COL21A1: variants seen among roughly 807,000 people sequenced by gnomAD.
The protein encoded by COL21A1 is collagen alpha-1(XXI) chain.
A neutral mutation model predicts 137.9 loss-of-function variants in COL21A1; 149 were observed. The observed-to-expected ratio is 1.08, with a 90% CI of 0.95 to 1.24. COL21A1 has a LOEUF of 1.24. COL21A1 is among the 50% of genes most tolerant of loss of function. COL21A1 has a pLI of 0.00. For missense variants in COL21A1, 1,167 were observed against 1,158.4 expected (o/e 1.01, Z -0.11); for synonymous variants, 456 against 391.5 (o/e 1.16, Z -1.95).
At position 56,337,073 on chromosome 6, in the gene COL21A1, A is replaced by C. The variant is rs58610811; in HGVS notation, c.-39+56898T>G. Among the ~76,000 whole-genome samples, 454 of 152,258 alleles carry C rather than the reference A, an allele frequency of 3.0e-3. 2 individuals carry two copies. Among genetic ancestry groups the C allele is most frequent in the African/African-American group, 0.011 (442 of 41,534 alleles). On this transcript the variant is annotated intron_variant, in intron 1 of 28. Coordinates refer to the COL21A1 transcript ENST00000370819. ...CTCACTCTTCCAAGATATTTGTCTC[A>C]TATCTATTTCTTTTTCAAATGTGCT...
At chr6:56,317,407 C>T (rs1384231539) in intron 1 of COL21A1, among the ~76,000 whole-genome samples, 1 of 152,170 alleles carries the variant, frequency 6.6e-6, no homozygotes, top group Non-Finnish European at 1.5e-5. Flanking sequence ...CACAATGCCT[C>T]TTATATTGCA....
intron 1 of COL21A1, among the ~76,000 whole-genome samples, chr6:56,260,287 G>C (rs923706952): frequency 2.6e-5 from 4 of 152,016 alleles, no homozygotes; most frequent in Admixed American, 1.3e-4. Flanking sequence ...TATTATTACA[G>C]AAAACATGGA....
intron 12 of COL21A1, among the ~76,000 whole-genome samples, chr6:56,131,896 A>G (rs1172098604): frequency 6.6e-6 from 1 of 152,084 alleles, no homozygotes; most frequent in Non-Finnish European, 1.5e-5. Context: ...GTTACCCTGT[A>G]TTTGCACTAT....
At chr6:56,088,430 T>A (rs960003254) in intron 17 of COL21A1, among the ~76,000 whole-genome samples, 2 of 152,186 alleles carry the variant, frequency 1.3e-5, no homozygotes, top group African/African-American at 4.8e-5. Context: ...CTTATAGCAA[T>A]CCTGCATTCA....
chr6:56,136,671 A>C (rs1278101179), intron 12 of COL21A1, among the ~76,000 whole-genome samples: 1 of 152,160 alleles, frequency 6.6e-6, no homozygotes, highest in Non-Finnish European at 1.5e-5. Context: ...CTATTTTTAA[A>C]ATTCATTTTA....
chr6:56,130,957 A>C (rs1220386278), intron 12 of COL21A1, among the ~76,000 whole-genome samples: 1 of 152,200 alleles, frequency 6.6e-6, no homozygotes. Flanking sequence ...CCTATCCAGG[A>C]TGGGCATGTA....
Position 56,059,172 on chromosome 6 carries a change from A to T in COL21A1, c.2679T>A (p.Gly893=), listed in dbSNP as rs1034445707. 2 of 1,611,526 alleles carry T rather than the reference A, an allele frequency of 1.2e-6. No homozygotes were observed. Among genetic ancestry groups the T allele is most frequent in the African/African-American group, 2.7e-5 (2 of 74,782 alleles). ...GCAGGTAGCAATTCTCACCTGGGGG[A>T]CCAGGAGGACCTTGTTCTCCAGGAT... is the stretch of plus-strand genomic sequence containing the variant. ...FGYPGEQGPP[G]PPGPEGPPGI... The change falls in exon 29 of 30, where the codon GGT becomes GGA. Residue 893 remains glycine (G), a synonymous_variant. Transcript: ENST00000244728.
At chr6:56,274,882 CA>C (rs1233764873) in intron 1 of COL21A1, among the ~76,000 whole-genome samples, 9 of 149,276 alleles carry the variant, frequency 6.0e-5, no homozygotes, top group African/African-American at 1.5e-4. Flanking sequence ...CATATGGAAC[CA>C]AAAAAAAAGC....
intron 1 of COL21A1, among the ~76,000 whole-genome samples, chr6:56,206,863 A>G (rs188321704): frequency 3.3e-5 from 5 of 151,878 alleles, no homozygotes; most frequent in Admixed American, 1.3e-4. Context: ...TGGAATCAAA[A>G]TGGAACTCAG....
At chr6:56,312,440 C>A (rs1268934676) in intron 1 of COL21A1, among the ~76,000 whole-genome samples, 1 of 152,084 alleles carries the variant, frequency 6.6e-6, no homozygotes, top group Non-Finnish European at 1.5e-5. Flanking sequence ...TGACTGGGAA[C>A]ATGTTGGTAT....
chr6:56,375,382 T>C (rs2093997182), intron 1 of COL21A1, among the ~76,000 whole-genome samples: 1 of 152,122 alleles, frequency 6.6e-6, no homozygotes, highest in South Asian at 2.1e-4. Flanking sequence ...GTTCAGCCAG[T>C]GGTAGGCACC....
At chr6:56,201,013 G>GT (rs1422442329) in intron 1 of COL21A1, among the ~76,000 whole-genome samples, 1 of 152,094 alleles carries the variant, frequency 6.6e-6, no homozygotes, top group Non-Finnish European at 1.5e-5. Flanking sequence ...GTGTGAGATG[G>GT]TATCTCATTG....
At chr6:56,073,786 A>G (rs1235421622) in intron 20 of COL21A1, among the ~76,000 whole-genome samples, 1 of 151,574 alleles carries the variant, frequency 6.6e-6, no homozygotes, top group African/African-American at 2.4e-5. Flanking sequence ...TAAAGATAAT[A>G]TGCTCTTACT....
At chr6:56,126,640 A>AT (rs1773070705) in intron 12 of COL21A1, 1 of 152,360 alleles carries the variant, frequency 6.6e-6, no homozygotes, top group Non-Finnish European at 1.5e-5. Flanking sequence ...GTCTATGAAC[A>AT]TGAAGGCCAT....
At chr6:56,309,688 C>G (rs1764563197) in intron 1 of COL21A1, among the ~76,000 whole-genome samples, 1 of 152,198 alleles carries the variant, frequency 6.6e-6, no homozygotes, top group Admixed American at 6.5e-5. Flanking sequence ...GTACTCGCAA[C>G]AGTTGAGTCA....
Position 56,074,212 on chromosome 6 carries a change from GTTTAT to G in COL21A1, c.1965+15_1965+19del, listed in dbSNP as rs763314767. On this transcript the variant is annotated intron_variant, in intron 20 of 29. Transcript: ENST00000244728. ...GTGATTATACAAAGTTCCCAGTCTT[GTTTAT>G]TTTATCATATTTACCTTAGATCCCG... The G allele has an allele frequency of 6.4e-7, 1 of 1,555,364 alleles. No homozygotes were observed. The highest frequency in any genetic ancestry group is 1.2e-5 in the South Asian group (1 of 81,990).
intron 1 of COL21A1, among the ~76,000 whole-genome samples, chr6:56,334,267 G>A (rs1053399602): frequency 3.9e-5 from 6 of 151,964 alleles, no homozygotes; most frequent in African/African-American, 1.4e-4. Flanking sequence ...AGCATGAACT[G>A]GGAACGTAGA....
intron 1 of COL21A1, among the ~76,000 whole-genome samples, chr6:56,389,877 CA>C (rs2094025698): frequency 1.3e-5 from 2 of 152,092 alleles, no homozygotes; most frequent in South Asian, 4.1e-4. Flanking sequence ...CCCAGACAAA[CA>C]AAAGTTGAGG....
chr6:56,061,416 T>A (rs1039105249), intron 25 of COL21A1, among the ~76,000 whole-genome samples: 2 of 152,152 alleles, frequency 1.3e-5, no homozygotes, highest in East Asian at 3.9e-4. Flanking sequence ...GAGAAAAAAT[T>A]CAGCTCCAAG....
Sources: gnomAD v4.1 joint callset for allele counts (sites outside exome capture counted in the v4.1 genomes callset) on GRCh38, gnomAD v4.1.1 for gene constraint, MANE v1.5 for transcripts, NCBI Gene and HGNC (gene_info 2026-07-23, HGNC 2026-07-21) for gene names.